MYCBP2: variants seen among roughly 807,000 people sequenced by gnomAD.
MYCBP2 encodes MYC binding protein 2.
In MYCBP2, 120 loss-of-function variants were observed where a neutral mutation model predicts 525.3. The ratio of observed to expected loss-of-function variants is 0.23; its 90% CI spans 0.20 to 0.27. The LOEUF is 0.27. MYCBP2 is among the 10% of genes least tolerant of loss of function. MYCBP2 has a pLI of 1.00. For missense variants in MYCBP2, 4,149 were observed against 5,657.1 expected, an observed-to-expected ratio of 0.73 and a Z score of 8.55; for synonymous variants, 1,894 against 1,955.8, an observed-to-expected ratio of 0.97 and a Z score of 0.83.
At chr13:77,122,646 C>T (rs185266282) in intron 54 of MYCBP2, among the ~76,000 whole-genome samples, 2,818 of 148,306 alleles carry the variant, frequency 0.019, 39 homozygotes, top group Non-Finnish European at 0.031. Flanking sequence ...GCCGAGATCG[C>T]GCCACTGCAC....
In MYCBP2 at chr13:77,289,986, G is replaced by A. The variant is rs1594699244; in HGVS notation, c.379-1610C>T. On this transcript the variant is annotated intron_variant, in intron 2 of 82. Coordinates refer to ENST00000544440, the MANE Select transcript of MYCBP2 (RefSeq NM_015057.5). ...GCAAACCACATATCCAACAAAGGAT[G>A]AGTATTCAGAATATATAAAGAATTC... Among the ~76,000 whole-genome samples the A allele has an allele frequency of 2.6e-5, 4 of 152,256 alleles. No individual in the cohort carries two copies. In the South Asian group the frequency reaches 8.3e-4, roughly 32 times the overall value.
At chr13:77,091,940 C>T (rs2045492500) in intron 59 of MYCBP2, among the ~76,000 whole-genome samples, 1 of 152,028 alleles carries the variant, frequency 6.6e-6, no homozygotes, top group African/African-American at 2.4e-5. Flanking sequence ...AAAAGTGTAT[C>T]TCCTTTAGAA....
intron 47 of MYCBP2, among the ~76,000 whole-genome samples, chr13:77,149,038 C>T (rs2154191947): frequency 6.6e-6 from 1 of 152,058 alleles, no homozygotes; most frequent in East Asian, 1.9e-4. Flanking sequence ...CTCTCAATTA[C>T]CTCCTAATCA....
intron 45 of MYCBP2, 113 bp downstream of exon 45, chr13:77,157,824 C>G: frequency 1.1e-6 from 1 of 871,304 alleles, no homozygotes; most frequent in Non-Finnish European, 1.8e-6. Context: ...GTTAAACATA[C>G]ATAAACCAGA....
At chr13:77,105,745 G>T (rs185179467) in intron 55 of MYCBP2, among the ~76,000 whole-genome samples, 16 of 151,906 alleles carry the variant, frequency 1.1e-4, no homozygotes, top group African/African-American at 3.4e-4. Flanking sequence ...TTCTTTTTTG[G>T]GTATCACTAA....
At chr13:77,085,383 T>C (rs1339756725) in intron 62 of MYCBP2, among the ~76,000 whole-genome samples, 1 of 152,192 alleles carries the variant, frequency 6.6e-6, no homozygotes, top group African/African-American at 2.4e-5. Flanking sequence ...TAGACATTTG[T>C]GTGTATCTGA....
intron 75 of MYCBP2, 25 bp downstream of exon 75, chr13:77,061,637 A>T: frequency 6.2e-7 from 1 of 1,604,640 alleles, no homozygotes; most frequent in Non-Finnish European, 8.5e-7. Flanking sequence ...AACATATTTT[A>T]TGCTCCAGAG....
rs766996389 is a variant in MYCBP2, at chr13:77,062,621, C to G, written c.12749G>C (p.Gly4250Ala). Residue 4250 changes from glycine to alanine, a missense_variant, in exon 74 of 83, where the codon GGA becomes GCA. By Grantham distance (60) the Gly-to-Ala change is moderately conservative (BLOSUM62 0). Coordinates refer to ENST00000544440, the MANE Select transcript of MYCBP2 (RefSeq NM_015057.5). ...VDRLSSGRWM[G>A]KDGQQKQMPM... ...CATTTGTTTTTGTTGTCCATCCTTT[C>G]CCATCCATCTCCCCGAGGAGAGACG... 6.2e-7 allele frequency: 1 copy of G among 1,614,120 alleles called. No homozygotes were observed. Among genetic ancestry groups the G allele is most frequent in the South Asian group, 1.1e-5 (1 of 91,086 alleles).
chr13:77,193,436 C>G (rs2061475653), intron 27 of MYCBP2, among the ~76,000 whole-genome samples: 1 of 152,038 alleles, frequency 6.6e-6, no homozygotes, highest in Non-Finnish European at 1.5e-5. Flanking sequence ...GCAAGAAAAC[C>G]TACAAGGTTT....
chr13:77,170,721 C>T (rs113363855), intron 38 of MYCBP2, among the ~76,000 whole-genome samples: 1 of 151,892 alleles, frequency 6.6e-6, no homozygotes, highest in Non-Finnish European at 1.5e-5. Flanking sequence ...GGATTACAGG[C>T]ACCTGCCACC....
rs1030428994 is a variant in MYCBP2, at chr13:77,062,704, A to C, written c.12673-7T>G. ...ATGCGAGAGCAAGCCAGAGCTGTTG[A>C]AAGGGAAGGCTGTTACACCACTGAA... On this transcript the variant is annotated splice_polypyrimidine_tract_variant and splice_region_variant and intron_variant, in intron 73 of 82. Coordinates refer to ENST00000544440, the MANE Select transcript of MYCBP2 (RefSeq NM_015057.5). 1 of 1,612,482 alleles carries C rather than the reference A, an allele frequency of 6.2e-7. No individual in the cohort carries two copies. Among genetic ancestry groups the C allele is most frequent in the Non-Finnish European group, 8.5e-7 (1 of 1,178,574 alleles).
intron 55 of MYCBP2, among the ~76,000 whole-genome samples, chr13:77,111,717 T>C (rs1184781610): frequency 1.3e-5 from 2 of 152,150 alleles, no homozygotes; most frequent in Non-Finnish European, 2.9e-5. Flanking sequence ...TACTCAGCTT[T>C]TCTCTGGATT....
intron 14 of MYCBP2, among the ~76,000 whole-genome samples, chr13:77,252,244 G>C (rs373201127): frequency 2.0e-5 from 3 of 152,134 alleles, no homozygotes; most frequent in East Asian, 3.8e-4. Flanking sequence ...TTTAGGCTCT[G>C]TGGCCCATAC....
Position 77,233,261 on chromosome 13 carries a change from G to A in MYCBP2, c.2632C>T (p.Pro878Ser), listed in dbSNP as rs767424481. 6.2e-7 allele frequency: 1 copy of A among 1,610,908 alleles called. No individual in the cohort carries two copies. Among genetic ancestry groups the A allele is most frequent in the Non-Finnish European group, 8.5e-7 (1 of 1,177,966 alleles). Residue 878 changes from proline to serine, a missense_variant and splice_region_variant, in exon 18 of 83, where the codon CCC becomes TCC. Pro to Ser is a moderately conservative substitution (Grantham distance 74). Transcript: ENST00000544440. ...AAAATAGGACCAGCAAATACAAGGG[G>A]GCCTGAGGAGAAACATTTTGTATGT... ...RRHRLEEGRG[P>S]LVFAGPIFMN... is the part of the protein sequence containing the mutation.
intron 52 of MYCBP2, among the ~76,000 whole-genome samples, chr13:77,136,863 C>T (rs997131610): frequency 3.9e-5 from 6 of 152,120 alleles, no homozygotes; most frequent in African/African-American, 1.4e-4. Flanking sequence ...TCTAAGGTGC[C>T]CTTAATTCCA....
chr13:77,266,745 T>TAAAAAAAAAAAAAAAAAA (rs2074144747), intron 8 of MYCBP2, among the ~76,000 whole-genome samples: 1 of 41,850 alleles, frequency 2.4e-5, no homozygotes, highest in African/African-American at 8.0e-5. Context: ...GGACTTGTAA[T>TAAAAAAAAAAAAAAAAAA]GAAAAAAAAA....
At chr13:77,145,611 A>C (rs1017953301) in intron 48 of MYCBP2, among the ~76,000 whole-genome samples, 9 of 152,134 alleles carry the variant, frequency 5.9e-5, no homozygotes, top group African/African-American at 1.7e-4. Flanking sequence ...ATTTTTCTAA[A>C]TTCTATGGAG....
chr13:77,121,644 G>A, intron 54 of MYCBP2, 149 bp from the exon 55 acceptor site: 1 of 706,588 alleles, frequency 1.4e-6, no homozygotes, highest in Non-Finnish European at 2.0e-6. Flanking sequence ...TACCAGTCAG[G>A]TCATCTTAAC....
At chr13:77,310,570 A>G (rs757658712) in intron 1 of MYCBP2, among the ~76,000 whole-genome samples, 1 of 152,204 alleles carries the variant, frequency 6.6e-6, no homozygotes, top group South Asian at 2.1e-4. Context: ...TATGTCATAT[A>G]TATGATTATA....
Sources: gnomAD v4.1 joint callset for allele counts (sites outside exome capture counted in the v4.1 genomes callset) on GRCh38, gnomAD v4.1.1 for gene constraint, MANE v1.5 for transcripts, NCBI Gene and HGNC (gene_info 2026-07-23, HGNC 2026-07-21) for gene names.